Variants in ZNF589 observed in about 807,000 individuals in gnomAD.
ZNF589 encodes the protein KRAB-zinc finger protein SZF1-1.
In ZNF589, 17 loss-of-function variants were observed where a neutral mutation model predicts 13.6. The observed-to-expected ratio is 1.25, with a 90% CI of 0.86 to 1.88. The LOEUF (loss-of-function observed/expected upper bound fraction) is 1.88. Among genes scored for constraint, ZNF589 ranks in the 40% most tolerant of loss-of-function variants. ZNF589 has a pLI of 0.00. For missense variants in ZNF589, 407 were observed against 434.0 expected (o/e 0.94, Z 0.55); for synonymous variants, 148 against 161.6 (o/e 0.92, Z 0.64).
intron 2 of ZNF589, chr3:48,257,860 G>A (rs1415046499): frequency 1.2e-5 from 5 of 402,712 alleles, no homozygotes; most frequent in African/African-American, 6.4e-5. Context: ...CCACTTTGGG[G>A]TATTTGTGTT....
rs2034074919 is a variant in ZNF589 at position 48,270,159 on chromosome 3, G to C, written c.*1373G>C. 2 of 456,874 alleles carry C rather than the reference G, an allele frequency of 4.4e-6. No homozygotes were observed. Among genetic ancestry groups the C allele is most frequent in the South Asian group, 1.5e-5 (1 of 64,566 alleles). The allele number at this position is 456,874 out of a possible 1,614,324, so 28.3% of individuals were successfully genotyped here. On this transcript the variant is annotated 3_prime_UTR_variant, in exon 4 of 4. Transcript: ENST00000354698. Reference sequence around the variant, plus strand: ...TTTTTCTACATCTCTAGCCTTTGCTGTTTCCTCTCCTACCCCACCTTTAGA... The same window carrying C: ...TTTTTCTACATCTCTAGCCTTTGCTCTTTCCTCTCCTACCCCACCTTTAGA...
At chr3:48,251,575 CTG>C (rs1441571272) in intron 2 of ZNF589, among the ~76,000 whole-genome samples, 31 of 150,734 alleles carry the variant, frequency 2.1e-4, no homozygotes, top group Non-Finnish European at 1.5e-5. Context: ...AAAAAAGAAA[CTG>C]TTTAATTTAA....
chr3:48,258,612 C>T (rs1403320733), intron 2 of ZNF589, among the ~76,000 whole-genome samples: 1 of 152,194 alleles, frequency 6.6e-6, no homozygotes, highest in African/African-American at 2.4e-5. Flanking sequence ...AAATATAAAA[C>T]ATTCTATTGC....
chr3:48,253,152 C>G (rs1374765296), intron 2 of ZNF589, among the ~76,000 whole-genome samples: 2 of 152,124 alleles, frequency 1.3e-5, no homozygotes, highest in African/African-American at 4.8e-5. Context: ...CTTGCCTCAG[C>G]CTCCTGAGTA....
chr3:48,269,147 G>T lies in ZNF589; in HGVS notation c.*361G>T, dbSNP rs1367401376. The T allele has an allele frequency of 2.6e-6, 2 of 760,382 alleles. No individual in the cohort carries two copies. Among genetic ancestry groups the T allele is most frequent in the Non-Finnish European group, 2.1e-6 (1 of 481,442 alleles). The allele number at this position is 760,382 out of a possible 1,614,324, so 47.1% of individuals were successfully genotyped here. A position where few individuals can be genotyped will look rare whatever the true frequency, so the allele number is the denominator to read the frequency against. On this transcript the variant is annotated 3_prime_UTR_variant, in exon 4 of 4. Coordinates refer to ENST00000354698, the MANE Select transcript of ZNF589 (RefSeq NM_016089.3). The stretch of plus-strand genomic sequence containing the variant: ...TGGGCGAAACTTTAGCCTCAAGTCC[G>T]CTCTTAGTGTACATCAGAGGATACA...
intron 3 of ZNF589, among the ~76,000 whole-genome samples, chr3:48,262,334 C>T (rs767698828): frequency 7.9e-5 from 12 of 151,986 alleles, no homozygotes; most frequent in African/African-American, 2.2e-4. Context: ...GGATTACAGG[C>T]GCGCATCACC....
chr3:48,246,111 G>A (rs746954285), intron 1 of ZNF589, among the ~76,000 whole-genome samples: 2 of 152,006 alleles, frequency 1.3e-5, no homozygotes, highest in South Asian at 4.2e-4. Flanking sequence ...TCGGGAGTTC[G>A]AGACCAGCCT....
rs1346156492 is a variant in ZNF589 at position 48,268,144 on chromosome 3, C to T, written c.453C>T (p.Val151=). The change falls in exon 4 of 4, where the codon GTC becomes GTT. Residue 151 remains valine, a synonymous_variant. Coordinates refer to ENST00000354698, the MANE Select transcript of ZNF589 (RefSeq NM_016089.3). The stretch of plus-strand genomic sequence containing the variant: ...AAGATCAACGAGTGGAAGGAGGCGT[C>T]AGACCCTTGTTTTGGAGTACAAATG... ...EAEDQRVEGG[V]RPLFWSTNER... is the part of the protein sequence containing the mutation. The T allele has an allele frequency of 2.5e-6, 4 of 1,613,920 alleles. No individual in the cohort carries two copies. The African/African-American group carries it at 5.3e-5, about 22-fold the overall frequency.
At chr3:48,259,913 C>T (rs1292430546) in intron 2 of ZNF589, among the ~76,000 whole-genome samples, 4 of 127,110 alleles carry the variant, frequency 3.1e-5, no homozygotes, top group South Asian at 2.7e-4. Flanking sequence ...AGTGAGACTC[C>T]GTATCAAAAA....
chr3:48,247,644 T>C lies in ZNF589; in HGVS notation c.63T>C (p.Ser21=). ...CCCCAGCTCTGCCTGCCAAGGATTCTGCCTGGCCCTGGGAAGAGAAGCCTA... is the reference window on the plus strand; with the variant it reads ...CCCCAGCTCTGCCTGCCAAGGATTCCGCCTGGCCCTGGGAAGAGAAGCCTA... The part of the protein sequence containing the change: ...WTAEALPAKD[S]AWPWEEKPRY... Residue 21 remains serine (S), a synonymous_variant, in exon 2 of 4, where the codon TCT becomes TCC. Coordinates refer to ENST00000354698, the MANE Select transcript of ZNF589 (RefSeq NM_016089.3). 6.2e-7 allele frequency: 1 copy of C among 1,613,186 alleles called. No individual in the cohort carries two copies. Among genetic ancestry groups the C allele is most frequent in the Non-Finnish European group, 8.5e-7 (1 of 1,179,498 alleles).
intron 2 of ZNF589, among the ~76,000 whole-genome samples, chr3:48,259,442 C>T (rs1371982961): frequency 2.0e-5 from 3 of 152,150 alleles, no homozygotes; most frequent in African/African-American, 4.8e-5. Flanking sequence ...CTACTGTCAT[C>T]TTTGATTTGC....
At position 48,243,692 on chromosome 3, in the gene ZNF589, TC is replaced by T. The variant is rs775898346; in HGVS notation, c.43+2481del. Among the ~76,000 whole-genome samples the T allele has an allele frequency of 2.2e-4, 34 of 151,376 alleles. 1 individual carries two copies. The highest frequency in any genetic ancestry group is 6.2e-4 in the South Asian group (3 of 4,812). On this transcript the variant is annotated intron_variant, in intron 1 of 3. Transcript: ENST00000354698. ...TGGGCTTGGTGGTGCGCGCTTGTAA[TC>T]CCAGCTACTCAGAAGGCTGAGGCAG...
rs368779917 is a variant in ZNF589 at position 48,268,782 on chromosome 3, A to G, written c.1091A>G (p.Asp364Gly). 1 of 1,610,548 alleles carries G rather than the reference A, an allele frequency of 6.2e-7. No individual in the cohort carries two copies. Among genetic ancestry groups the G allele is most frequent in the African/African-American group, 1.3e-5 (1 of 74,738 alleles). Residue 364 changes from aspartate (D) to glycine (G), a missense_variant, in exon 4 of 4, where the codon GAT (aspartate) becomes GGT (glycine). By Grantham distance (94) the Asp-to-Gly change is moderately conservative (BLOSUM62 -1). Transcript: ENST00000354698. Reference sequence around the variant, plus strand: ...GGGGATAAGCCTTATGTGTGCAGAGATTGAGGCCGAGGCTTTGTAAGGAGA... The same window carrying G: ...GGGGATAAGCCTTATGTGTGCAGAGGTTGAGGCCGAGGCTTTGTAAGGAGA... The part of the protein sequence containing the change: ...HTGDKPYVCR[D>G]
intron 3 of ZNF589, 119 bp downstream of exon 3, chr3:48,261,058 C>A: frequency 8.7e-7 from 1 of 1,153,152 alleles, no homozygotes; most frequent in Non-Finnish European, 1.2e-6. Context: ...TAAAGCATTT[C>A]TTCTCTCGTG....
chr3:48,255,747 C>A (rs183665439), intron 2 of ZNF589, among the ~76,000 whole-genome samples: 7 of 151,692 alleles, frequency 4.6e-5, no homozygotes, highest in African/African-American at 1.2e-4. Context: ...CCTTAGCCCC[C>A]CAAAGTGCTG....
chr3:48,265,048 T>C (rs1449316643), intron 3 of ZNF589, among the ~76,000 whole-genome samples: 1 of 151,624 alleles, frequency 6.6e-6, no homozygotes, highest in African/African-American at 2.4e-5. Context: ...CCCTGCTCAC[T>C]GCAACCTCCG....
Position 48,270,138 on chromosome 3 carries a change from T to C in ZNF589, c.*1352T>C, listed in dbSNP as rs200557110. On this transcript the variant is annotated 3_prime_UTR_variant, in exon 4 of 4. Coordinates refer to ENST00000354698, the MANE Select transcript of ZNF589 (RefSeq NM_016089.3). Reference sequence around the variant, plus strand: ...ATGACACTCTCCTGCTTTATTTTTTTCTACATCTCTAGCCTTTGCTGTTTC... The same window carrying C: ...ATGACACTCTCCTGCTTTATTTTTTCCTACATCTCTAGCCTTTGCTGTTTC... The C allele has an allele frequency of 2.4e-3, 1,094 of 457,024 alleles. 1 individual carries two copies. The highest frequency in any genetic ancestry group is 3.6e-3 in the Non-Finnish European group (821 of 227,022). 28.3% of individuals were successfully genotyped at this position (457,024 alleles called of 1,614,324 possible).
intron 2 of ZNF589, 35 bp from the exon 3 acceptor site, chr3:48,260,778 T>G (rs2033962667): frequency 2.5e-6 from 4 of 1,613,412 alleles, no homozygotes; most frequent in Non-Finnish European, 2.5e-6. Context: ...ATCTTAATGG[T>G]GACTTGATGA....
chr3:48,261,557 G>A (rs2106845016), intron 3 of ZNF589, among the ~76,000 whole-genome samples: 1 of 152,288 alleles, frequency 6.6e-6, no homozygotes, highest in South Asian at 2.1e-4. Context: ...TAGATTACTG[G>A]ATATCATACA....
Sources: allele counts gnomAD v4.1 joint callset (sites outside exome capture counted in the v4.1 genomes callset), GRCh38; gene constraint gnomAD v4.1.1; transcripts MANE v1.5; gene names NCBI Gene and HGNC (gene_info 2026-07-23, HGNC 2026-07-21).